NTNG2: variants seen among roughly 807,000 people sequenced by gnomAD.
NTNG2 encodes netrin-G2.
NTNG2 carries 15 observed loss-of-function variants against 47.6 expected under a neutral mutation model. The observed-to-expected ratio is 0.32, with a 90% confidence interval of 0.21 to 0.49. The LOEUF is 0.49. NTNG2 is among the 20% of genes least tolerant of loss of function. The pLI is 0.99. For synonymous variants in NTNG2, 307 were observed against 324.6 expected (o/e 0.95, Z 0.58); for missense variants, 578 against 764.6 (o/e 0.76, Z 2.88).
intron 3 of NTNG2, among the ~76,000 whole-genome samples, chr9:132,219,656 A>C (rs1840227080): frequency 6.6e-6 from 1 of 152,050 alleles, no homozygotes; most frequent in Non-Finnish European, 1.5e-5. Context: ...ACTTGGCATA[A>C]TGTTTTCAAG....
chr9:132,241,065 G>C (rs1339125087), intron 7 of NTNG2, 21 bp downstream of exon 7: 1 of 1,579,708 alleles, frequency 6.3e-7, no homozygotes, highest in African/African-American at 1.3e-5. Context: ...GCCGTCCCCC[G>C]TGGGCGGGGC....
intron 3 of NTNG2, among the ~76,000 whole-genome samples, chr9:132,207,360 G>A (rs73661561): frequency 5.9e-5 from 9 of 152,136 alleles, no homozygotes; most frequent in African/African-American, 1.2e-4. Flanking sequence ...CATACCCTCC[G>A]CCCTCCGCTC....
intron 2 of NTNG2, among the ~76,000 whole-genome samples, chr9:132,193,548 A>G (rs553692818): frequency 6.6e-6 from 1 of 152,278 alleles, no homozygotes; most frequent in East Asian, 1.9e-4. Context: ...TGCTGGGTTG[A>G]TAAGAGCTTT....
chr9:132,195,474 ATTTTTTTT>A (rs56733654), intron 2 of NTNG2, among the ~76,000 whole-genome samples: 132 of 80,140 alleles, frequency 1.6e-3, no homozygotes, highest in African/African-American at 5.2e-3. Flanking sequence ...ACGCCTGGCT[ATTTTTTTT>A]TTTTTTTTTT....
In NTNG2 at chr9:132,226,962, G is replaced by A. The variant is rs557724992; in HGVS notation, c.971G>A (p.Arg324His). 36 of 1,612,078 alleles carry A rather than the reference G, an allele frequency of 2.2e-5. No homozygotes were observed. The South Asian group carries it at 3.0e-4, about 13-fold the overall frequency. Residue 324 changes from arginine to histidine, a missense_variant, in exon 4 of 8, where the codon CGC (arginine) becomes CAC (histidine). By Grantham distance (29) the Arg-to-His change is conservative. Coordinates refer to ENST00000393229, the MANE Select transcript of NTNG2 (RefSeq NM_032536.4). The surrounding 1 kb of genome is among the most constrained non-coding windows in gnomAD (Gnocchi z 4.8). ...PDCGKCKKNF[R>H]TRSWRAGSYL... ...TGCGGCAAGTGCAAGAAGAATTTCC[G>A]CACCCGGTCCTGGCGGGCCGGCTCC...
intron 7 of NTNG2, 126 bp downstream of exon 7, chr9:132,241,170 G>A: frequency 8.1e-7 from 1 of 1,233,874 alleles, no homozygotes; most frequent in Non-Finnish European, 1.1e-6. Context: ...ACGGGGCAGG[G>A]CCGGGGAAGT....
rs956087951 is a variant in NTNG2, at chr9:132,242,012, C to T, written c.1494C>T (p.Gly498=). 10 of 1,430,004 alleles carry T rather than the reference C, an allele frequency of 7.0e-6. No individual in the cohort carries two copies. The African/African-American group carries it at 1.4e-4, about 19-fold the overall frequency. The allele number at this position is 1,430,004 out of a possible 1,614,324, so 88.6% of individuals were successfully genotyped here. A position where few individuals can be genotyped will look rare whatever the true frequency, so the allele number is the denominator to read the frequency against. ...QPRCDPADDD[G]GLDCDRAPGA... ...GCTGCGACCCCGCCGACGATGACGG[C>T]GGTCTGGACTGCGACCGCGCGCCCG... is the stretch of plus-strand genomic sequence containing the variant. Residue 498 remains glycine, a synonymous_variant, in exon 8 of 8, where the codon GGC becomes GGT. Coordinates refer to ENST00000393229, the MANE Select transcript of NTNG2 (RefSeq NM_032536.4). This position sits in a 1 kb window ranked among gnomAD's most constrained non-coding sequence, Gnocchi z 5.9.
intron 5 of NTNG2, among the ~76,000 whole-genome samples, chr9:132,234,726 A>AT (rs1463291309): frequency 1.3e-5 from 2 of 152,226 alleles, no homozygotes; most frequent in Non-Finnish European, 2.9e-5. Context: ...TCTGAAGCAA[A>AT]TGCCTTCAGG....
chr9:132,207,021 G>T (rs1016423505), intron 3 of NTNG2, among the ~76,000 whole-genome samples: 2 of 152,270 alleles, frequency 1.3e-5, no homozygotes, highest in African/African-American at 4.8e-5. Flanking sequence ...CTTGGCCAGG[G>T]TCACAGGAGG....
chr9:132,239,314 G>A (rs113122001), intron 6 of NTNG2, 43 bp downstream of exon 6: 30 of 1,607,062 alleles, frequency 1.9e-5, no homozygotes, highest in African/African-American at 9.3e-5. Context: ...GCTGGAATGC[G>A]TGCAGGGTGC....
At chr9:132,176,293 T>A (rs1836448945) in intron 2 of NTNG2, among the ~76,000 whole-genome samples, 1 of 152,198 alleles carries the variant, frequency 6.6e-6, no homozygotes, top group Admixed American at 6.5e-5. Context: ...CTCTACTTAG[T>A]CCCAACACGT....
In NTNG2 at chr9:132,182,671, G is replaced by A. The variant is rs922636586; in HGVS notation, c.214-15295G>A. On this transcript the variant is annotated intron_variant, in intron 2 of 7. Transcript: ENST00000393229. The surrounding 1 kb of genome is among the most constrained non-coding windows in gnomAD (Gnocchi z 4.2). ...ACTGCAGCCTTGGGTACAGAGTACG[G>A]GTTGTCTCCCAGCAGGAAAGGGAGG... 2.6e-5 allele frequency among the ~76,000 whole-genome samples: 4 copies of A among 152,218 alleles called. No homozygotes were observed. The highest frequency in any genetic ancestry group is 9.6e-5 in the African/African-American group (4 of 41,452).
intron 3 of NTNG2, among the ~76,000 whole-genome samples, chr9:132,224,957 C>G (rs1840631145): frequency 1.3e-5 from 2 of 152,008 alleles, no homozygotes; most frequent in South Asian, 2.1e-4. Flanking sequence ...TAGTCTCGCT[C>G]TGTCTCCCAG....
chr9:132,202,985 A>G (rs1242138013), intron 3 of NTNG2, among the ~76,000 whole-genome samples: 2 of 152,172 alleles, frequency 1.3e-5, no homozygotes, highest in Non-Finnish European at 2.9e-5. Context: ...ATGAAATGCT[A>G]TATTCAAAGA....
chr9:132,210,209 G>A (rs1839489798), intron 3 of NTNG2, among the ~76,000 whole-genome samples: 1 of 151,948 alleles, frequency 6.6e-6, no homozygotes, highest in South Asian at 2.1e-4. Context: ...GCTCTTTTCT[G>A]GCAAGTCTCT....
intron 2 of NTNG2, among the ~76,000 whole-genome samples, chr9:132,171,291 A>AGGGG (rs1408762815): frequency 6.6e-6 from 1 of 152,172 alleles, no homozygotes; most frequent in Non-Finnish European, 1.5e-5. Context: ...TATCTGTAAA[A>AGGGG]GGGGTATGAT....
intron 2 of NTNG2, among the ~76,000 whole-genome samples, chr9:132,190,714 A>G (rs1837815121): frequency 6.6e-6 from 1 of 152,354 alleles, no homozygotes; most frequent in Admixed American, 6.5e-5. Flanking sequence ...CATAAAAGGA[A>G]AAGCATTTAA....
At chr9:132,224,564 C>T (rs1216853929) in intron 3 of NTNG2, among the ~76,000 whole-genome samples, 1 of 152,336 alleles carries the variant, frequency 6.6e-6, no homozygotes, top group African/African-American at 2.4e-5. Context: ...TGACATTATA[C>T]TCACTGTTCC....
intron 2 of NTNG2, among the ~76,000 whole-genome samples, chr9:132,171,498 C>T (rs7032195): frequency 0.21 from 31,492 of 152,166 alleles, 3,661 homozygotes; most frequent in African/African-American, 0.29. Context: ...TTGGAGTCTC[C>T]AGCATACAGA....
Sources: gnomAD v4.1 joint callset for allele counts (sites outside exome capture counted in the v4.1 genomes callset) on GRCh38, gnomAD v4.1.1 for gene constraint, Gnocchi (gnomAD v3.1) non-coding constraint, MANE v1.5 for transcripts, NCBI Gene and HGNC (gene_info 2026-07-23, HGNC 2026-07-21) for gene names.